The following ATP8B4 variants were observed in gnomAD, a reference collection of about 807,000 sequenced individuals.
ATP8B4 encodes ATPase phospholipid transporting 8B4 (putative).
In ATP8B4, 133 loss-of-function variants were observed where a neutral mutation model predicts 145.6. The observed-to-expected ratio is 0.91, with a 90% confidence interval of 0.79 to 1.05. ATP8B4 has a LOEUF of 1.05. Ranked by LOEUF, ATP8B4 falls within the 50% of genes least tolerant of loss-of-function variation. The pLI is 0.00. For missense variants in ATP8B4, 1,458 were observed against 1,425.2 expected, an observed-to-expected ratio of 1.02 and a Z score of -0.37; for synonymous variants, 507 against 492.9, an observed-to-expected ratio of 1.03 and a Z score of -0.38.
Position 50,019,291 on chromosome 15 carries a change from A to T in ATP8B4, c.363-8374T>A, listed in dbSNP as rs186088365. ...ACATGCACTTGAGTCAAAGCTTCAG[A>T]ACCAACCAGCCTTCAGGCAAGATAT... On this transcript the variant is annotated intron_variant, in intron 6 of 27. Coordinates refer to ENST00000284509, the MANE Select transcript of ATP8B4 (RefSeq NM_024837.4). 3.6e-4 allele frequency among the ~76,000 whole-genome samples: 55 copies of T among 152,336 alleles called. No homozygotes were observed. The East Asian group carries it at 6.4e-3, about 18-fold the overall frequency.
chr15:49,949,184 G>A (rs2042844150), intron 14 of ATP8B4, among the ~76,000 whole-genome samples: 1 of 152,148 alleles, frequency 6.6e-6, no homozygotes, highest in Admixed American at 6.6e-5. Flanking sequence ...ATTTAACATA[G>A]CTTTTTCTAA....
In ATP8B4 at chr15:49,938,681, C is replaced by T. The variant is rs578154777; in HGVS notation, c.1288-4499G>A. 5.9e-5 allele frequency among the ~76,000 whole-genome samples: 9 copies of T among 152,238 alleles called. No individual in the cohort carries two copies. The South Asian group carries it at 1.9e-3, about 32-fold the overall frequency. ...GAGGGAGACTCCAACACCCCACTGA[C>T]AGCTTTAGACAGATCATCAAGGCAG... On this transcript the variant is annotated intron_variant, in intron 14 of 27. Transcript: ENST00000284509.
chr15:50,112,335 C>T (rs2056985984), intron 1 of ATP8B4, among the ~76,000 whole-genome samples: 1 of 151,982 alleles, frequency 6.6e-6, no homozygotes, highest in Non-Finnish European at 1.5e-5. Context: ...ATCTGAGAGC[C>T]TAGGGAGTAA....
chr15:49,867,392 A>C (rs969541694), intron 25 of ATP8B4, among the ~76,000 whole-genome samples: 1 of 152,170 alleles, frequency 6.6e-6, no homozygotes, highest in Non-Finnish European at 1.5e-5. Flanking sequence ...GTCCCTTAAA[A>C]TGTTTCCCCA....
At chr15:49,905,667 C>G (rs2038533955) in intron 20 of ATP8B4, among the ~76,000 whole-genome samples, 1 of 152,112 alleles carries the variant, frequency 6.6e-6, no homozygotes, top group Admixed American at 6.5e-5. Context: ...GGCCCCAAGG[C>G]TCCTGAAATA....
At chr15:49,997,420 G>C (rs1385282481) in intron 8 of ATP8B4, among the ~76,000 whole-genome samples, 3 of 152,084 alleles carry the variant, frequency 2.0e-5, no homozygotes, top group Admixed American at 1.3e-4. Context: ...TTAAGGGCTT[G>C]CCATCCCAGT....
chr15:50,003,792 T>C (rs2048093798), intron 7 of ATP8B4, among the ~76,000 whole-genome samples: 1 of 152,126 alleles, frequency 6.6e-6, no homozygotes, highest in African/African-American at 2.4e-5. Context: ...TCTTTGAAAC[T>C]CGAATCCAGT....
At chr15:49,873,536 A>G (rs1286248837) in intron 25 of ATP8B4, among the ~76,000 whole-genome samples, 2 of 152,206 alleles carry the variant, frequency 1.3e-5, no homozygotes, top group African/African-American at 2.4e-5. Flanking sequence ...AATTATATAT[A>G]TATAATCCGA....
chr15:50,111,282 A>G (rs900814811), intron 1 of ATP8B4, among the ~76,000 whole-genome samples: 3 of 152,234 alleles, frequency 2.0e-5, no homozygotes, highest in Non-Finnish European at 4.4e-5. Context: ...TCACCAAGCA[A>G]CCTGCTGATA....
Position 49,939,252 on chromosome 15 carries a change from T to C in ATP8B4, c.1288-5070A>G, listed in dbSNP as rs141603808. ...ACAAACTAACACCAAAGCTAACAAA[T>C]GTCACAGCAGAACTGAATGCAATTG... On this transcript the variant is annotated intron_variant, in intron 14 of 27. Coordinates refer to ENST00000284509, the MANE Select transcript of ATP8B4 (RefSeq NM_024837.4). Among the ~76,000 whole-genome samples, 13 of 151,702 alleles carry C rather than the reference T, an allele frequency of 8.6e-5. No homozygotes were observed. In the East Asian group the frequency reaches 2.3e-3, roughly 27 times the overall value.
chr15:50,060,632 G>A (rs756610280), intron 3 of ATP8B4, among the ~76,000 whole-genome samples: 91 of 152,064 alleles, frequency 6.0e-4, no homozygotes, highest in Non-Finnish European at 6.0e-4. Context: ...TACTTTCCCC[G>A]CCCCGCCCCC....
chr15:49,951,761 C>A (rs573405406), intron 14 of ATP8B4, among the ~76,000 whole-genome samples: 1 of 152,232 alleles, frequency 6.6e-6, no homozygotes, highest in Non-Finnish European at 1.5e-5. Context: ...ATTTTGCACA[C>A]TAGTTGATGC....
Position 49,897,530 on chromosome 15 carries a change from G to A in ATP8B4, c.2474-15C>T, listed in dbSNP as rs1277741745. The A allele has an allele frequency of 4.0e-6, 6 of 1,492,276 alleles. No homozygotes were observed. The highest frequency in any genetic ancestry group is 5.4e-6 in the Non-Finnish European group (6 of 1,119,590). The allele number at this position is 1,492,276 out of a possible 1,614,324, so 92.4% of individuals were successfully genotyped here. ...AATGTGAGCACCTACAAAGGAAAGA[G>A]GAACACTGTCACTCCCAAAACAAAG... is the stretch of plus-strand genomic sequence containing the variant. On this transcript the variant is annotated splice_polypyrimidine_tract_variant and intron_variant, in intron 22 of 27. Transcript: ENST00000284509.
chr15:50,160,326 C>G (rs578081534), intron 1 of ATP8B4, among the ~76,000 whole-genome samples: 1 of 150,996 alleles, frequency 6.6e-6, no homozygotes, highest in African/African-American at 2.4e-5. Context: ...TTTATCTTTT[C>G]GAAAAAATTT....
At position 49,969,276 on chromosome 15, in the gene ATP8B4, G is replaced by C. The variant is rs2044854110; in HGVS notation, c.1243+3306C>G. Among the ~76,000 whole-genome samples the C allele has an allele frequency of 6.6e-5, 10 of 152,172 alleles. No individual in the cohort carries two copies. The South Asian group carries it at 1.7e-3, about 25-fold the overall frequency. On this transcript the variant is annotated intron_variant, in intron 13 of 27. Transcript: ENST00000284509. The stretch of plus-strand genomic sequence containing the variant: ...AGAAGACAAGAAATAACTAACATCA[G>C]AACAGAATGGAAGGAGATAGAGACA...
chr15:50,007,334 A>C (rs1217086601), intron 7 of ATP8B4, among the ~76,000 whole-genome samples: 1 of 152,220 alleles, frequency 6.6e-6, no homozygotes, highest in African/African-American at 2.4e-5. Context: ...CTGGTAGCCC[A>C]GACTCAAGTC....
chr15:49,876,075 A>G (rs755067), intron 25 of ATP8B4, among the ~76,000 whole-genome samples: 71,143 of 151,986 alleles, frequency 0.47, 16,739 homozygotes, highest in East Asian at 0.54. Flanking sequence ...TACTAACATG[A>G]ATGTTACAGA....
At chr15:49,919,059 CAG>C (rs2040012407) in intron 18 of ATP8B4, 109 bp from the exon 19 acceptor site, 2 of 798,714 alleles carry the variant, frequency 2.5e-6, no homozygotes, top group African/African-American at 3.5e-5. Flanking sequence ...TAATTGAAGA[CAG>C]AAATTATGAT....
At chr15:49,964,646 C>T (rs2044366893) in intron 13 of ATP8B4, among the ~76,000 whole-genome samples, 2 of 152,088 alleles carry the variant, frequency 1.3e-5, no homozygotes, top group Non-Finnish European at 2.9e-5. Context: ...AATTAAGAGT[C>T]TAAAGGGATT....
Sources: allele counts gnomAD v4.1 joint callset (sites outside exome capture counted in the v4.1 genomes callset), GRCh38; gene constraint gnomAD v4.1.1; transcripts MANE v1.5; gene names NCBI Gene and HGNC (gene_info 2026-07-23, HGNC 2026-07-21).